The following GRIK2 variants were observed in gnomAD, a reference collection of about 807,000 sequenced individuals.
GRIK2 encodes the protein glutamate ionotropic receptor kainate type subunit 2.
In GRIK2, 32 loss-of-function variants were observed where a neutral mutation model predicts 100.3. The ratio of observed to expected loss-of-function variants is 0.32; its 90% CI spans 0.24 to 0.43. The LOEUF is 0.43. Ranked by LOEUF, GRIK2 falls within the 20% of genes least tolerant of loss-of-function variation. The pLI is 1.00. For missense variants in GRIK2, 843 were observed against 1,114.9 expected, an observed-to-expected ratio of 0.76 and a Z score of 3.47; for synonymous variants, 417 against 389.4, an observed-to-expected ratio of 1.07 and a Z score of -0.83.
chr6:101,522,140 G>A (rs17816480), intron 2 of GRIK2, among the ~76,000 whole-genome samples: 22,096 of 151,924 alleles, frequency 0.15, 1,814 homozygotes, highest in Admixed American at 0.19. Context: ...CTAGAAACTC[G>A]TTACTTACAT....
At chr6:101,945,179 T>A (rs1319977315) in intron 14 of GRIK2, among the ~76,000 whole-genome samples, 2 of 152,154 alleles carry the variant, frequency 1.3e-5, no homozygotes, top group African/African-American at 4.8e-5. Flanking sequence ...TGATTTTTTT[T>A]TAGCTTTTTA....
At chr6:101,795,198 A>G (rs938221492) in intron 7 of GRIK2, among the ~76,000 whole-genome samples, 4 of 152,050 alleles carry the variant, frequency 2.6e-5, no homozygotes, top group Non-Finnish European at 5.9e-5. Context: ...ATGGATTTTC[A>G]TAAGGGAAAA....
intron 5 of GRIK2, among the ~76,000 whole-genome samples, chr6:101,682,049 A>G (rs914214823): frequency 3.9e-5 from 6 of 152,232 alleles, no homozygotes; most frequent in African/African-American, 7.2e-5. Context: ...TTCTTTAATT[A>G]TATGTAATTT....
chr6:101,831,145 C>T (rs943978358), intron 10 of GRIK2, among the ~76,000 whole-genome samples: 2 of 151,962 alleles, frequency 1.3e-5, no homozygotes, highest in African/African-American at 4.8e-5. Context: ...AAAACACAAA[C>T]TCTAGATTAT....
At chr6:101,541,630 T>C (rs1776002290) in intron 2 of GRIK2, among the ~76,000 whole-genome samples, 1 of 152,126 alleles carries the variant, frequency 6.6e-6, no homozygotes, top group South Asian at 2.1e-4. Flanking sequence ...GCATTTTGTG[T>C]AGTACATATT....
intron 7 of GRIK2, among the ~76,000 whole-genome samples, chr6:101,782,330 C>A (rs1779147663): frequency 6.6e-6 from 1 of 152,122 alleles, no homozygotes; most frequent in Admixed American, 6.5e-5. Flanking sequence ...TAAACATTAA[C>A]CAACTTCTCC....
chr6:101,946,359 A>G (rs1275234677), intron 14 of GRIK2, among the ~76,000 whole-genome samples: 1 of 152,006 alleles, frequency 6.6e-6, no homozygotes, highest in Non-Finnish European at 1.5e-5. Flanking sequence ...AACAACCCCC[A>G]TCTTTACAAA....
At chr6:101,790,976 T>G (rs1230703412) in intron 7 of GRIK2, among the ~76,000 whole-genome samples, 1 of 152,166 alleles carries the variant, frequency 6.6e-6, no homozygotes, top group Non-Finnish European at 1.5e-5. Flanking sequence ...TTCTTCTAGA[T>G]TTTCTAGTTT....
intron 2 of GRIK2, among the ~76,000 whole-genome samples, chr6:101,580,852 C>A (rs1039411279): frequency 6.6e-6 from 1 of 152,022 alleles, no homozygotes; most frequent in African/African-American, 2.4e-5. Context: ...TCTCAATTCC[C>A]CTCATCTATG....
chr6:101,874,529 A>G (rs185085326), intron 11 of GRIK2, among the ~76,000 whole-genome samples: 2,700 of 152,058 alleles, frequency 0.018, 86 homozygotes, highest in African/African-American at 0.061. Context: ...GTCAGGTAGC[A>G]TGATGCCTCC....
At chr6:101,414,446 G>A (rs184291114) in intron 2 of GRIK2, among the ~76,000 whole-genome samples, 1 of 152,262 alleles carries the variant, frequency 6.6e-6, no homozygotes, top group East Asian at 1.9e-4. Flanking sequence ...TTTAGTTACT[G>A]TATTTGTCAG....
chr6:101,907,609 G>A (rs1248840548), intron 12 of GRIK2, among the ~76,000 whole-genome samples: 3 of 151,658 alleles, frequency 2.0e-5, no homozygotes, highest in African/African-American at 7.3e-5. Context: ...CAAAGTTTAA[G>A]TCTTGAGCAT....
intron 4 of GRIK2, among the ~76,000 whole-genome samples, chr6:101,648,154 G>C (rs1781616237): frequency 1.3e-5 from 2 of 151,934 alleles, no homozygotes; most frequent in South Asian, 4.2e-4. Flanking sequence ...TTTCAGACTT[G>C]CAGTAAAGAT....
rs1780193348 is a variant in GRIK2 at position 101,622,131 on chromosome 6, T to G, written c.283+15T>G. 2.0e-6 allele frequency: 3 copies of G among 1,478,460 alleles called. No individual in the cohort carries two copies. The highest frequency in any genetic ancestry group is 2.8e-6 in the Non-Finnish European group (3 of 1,071,824). 91.6% of individuals were successfully genotyped at this position (1,478,460 alleles called of 1,614,324 possible). A position where few individuals can be genotyped will look rare whatever the true frequency, so the allele number is the denominator to read the frequency against. The stretch of plus-strand genomic sequence containing the variant: ...ATCCAAGAAAGGTAATTGATAGATT[T>G]TTAACATCTTTGTTTCCTGGAATTC... On this transcript the variant is annotated intron_variant, in intron 3 of 16. Coordinates refer to ENST00000369134, the MANE Select transcript of GRIK2 (RefSeq NM_021956.5).
chr6:101,398,964 C>T (rs2128235181), intron 1 of GRIK2, 21 bp from the exon 2 acceptor site: 1 of 438,360 alleles, frequency 2.3e-6, no homozygotes, highest in South Asian at 6.7e-5. Context: ...TACTGATTTC[C>T]CTCCTCCTCT....
intron 2 of GRIK2, among the ~76,000 whole-genome samples, chr6:101,431,854 C>A (rs1769421023): frequency 6.6e-6 from 1 of 151,834 alleles, no homozygotes. Flanking sequence ...ATAACATCAC[C>A]CATTTAGTGT....
Position 101,635,289 on chromosome 6 carries a change from T to C in GRIK2, c.541+8652T>C, listed in dbSNP as rs1780950333. Among the ~76,000 whole-genome samples the C allele has an allele frequency of 2.0e-5, 3 of 152,140 alleles. No homozygotes were observed. The South Asian group carries it at 6.2e-4, about 31-fold the overall frequency. Reference sequence around the variant, plus strand: ...AGTAGTATTTCCACACAGTTGGTTATGCTTGAACTTATTTTTTTATTCCTA... The same window carrying C: ...AGTAGTATTTCCACACAGTTGGTTACGCTTGAACTTATTTTTTTATTCCTA... On this transcript the variant is annotated intron_variant, in intron 4 of 16. Transcript: ENST00000369134.
chr6:101,747,438 C>T (rs547628793), intron 7 of GRIK2, among the ~76,000 whole-genome samples: 116 of 152,264 alleles, frequency 7.6e-4, no homozygotes, highest in Non-Finnish European at 8.8e-5. Context: ...GTCAAGTCTA[C>T]ATAAAATTTA....
intron 7 of GRIK2, among the ~76,000 whole-genome samples, chr6:101,754,665 G>A (rs1401570785): frequency 6.6e-6 from 1 of 152,184 alleles, no homozygotes; most frequent in Non-Finnish European, 1.5e-5. Flanking sequence ...GGAGGACAGG[G>A]TACTAGGTTA....
Sources: gnomAD v4.1 joint callset for allele counts (sites outside exome capture counted in the v4.1 genomes callset) on GRCh38, gnomAD v4.1.1 for gene constraint, MANE v1.5 for transcripts, NCBI Gene and HGNC (gene_info 2026-07-23, HGNC 2026-07-21) for gene names.